EEF1AKMT2: variants seen among roughly 807,000 people sequenced by gnomAD.
EEF1AKMT2 encodes EEF1A lysine methyltransferase 2, also known as eukaryotic translation elongation factor 1 alpha lysine methyltransferase 2.
Under a neutral mutation model 35.8 loss-of-function variants are expected in EEF1AKMT2, and 32 were observed. The ratio of observed to expected loss-of-function variants is 0.89; its 90% CI spans 0.67 to 1.20. The LOEUF is 1.20. Ranked by LOEUF, EEF1AKMT2 falls within the 50% of genes most tolerant of loss-of-function variation. The pLI is 0.00. For synonymous variants in EEF1AKMT2, 121 were observed against 133.7 expected (o/e 0.91, Z 0.65); for missense variants, 330 against 347.5 (o/e 0.95, Z 0.40).
intron 3 of EEF1AKMT2, among the ~76,000 whole-genome samples, chr10:124,779,331 C>A (rs2134135719): frequency 6.6e-6 from 1 of 152,270 alleles, no homozygotes; most frequent in South Asian, 2.1e-4. Flanking sequence ...CGGGGTTTCA[C>A]CATGTTGCCC....
chr10:124,789,092 G>A lies in EEF1AKMT2; in HGVS notation c.242C>T (p.Ala81Val). ...TCCAGTTCCAATATCAAGCACTGAA[G>A]CATCCAGTGGAATCTTGTGTTTCTG... Reference protein sequence around the residue: ...WMQKHKIPLDASVLDIGTGNG... With the variant: ...WMQKHKIPLDVSVLDIGTGNG... The change falls in exon 3 of 7, where the codon GCT becomes GTT. Residue 81 changes from alanine (A) to valine (V), a missense_variant. Ala to Val is a moderately conservative substitution (Grantham distance 64, BLOSUM62 0). Transcript: ENST00000368836. 2 of 1,613,598 alleles carry A rather than the reference G, an allele frequency of 1.2e-6. No individual in the cohort carries two copies. The highest frequency in any genetic ancestry group is 2.7e-5 in the African/African-American group (2 of 75,028).
chr10:124,760,385 C>A lies in EEF1AKMT2; in HGVS notation c.*118G>T. 6.5e-7 allele frequency: 1 copy of A among 1,539,062 alleles called. No homozygotes were observed. Among genetic ancestry groups the A allele is most frequent in the South Asian group, 1.1e-5 (1 of 88,854 alleles). ...TTGCTGTGTAGATTCTGTGTAGCTA[C>A]CTGAATTCGTCCAAGAAAAAGTCTC... On this transcript the variant is annotated 3_prime_UTR_variant, in exon 7 of 7. Transcript: ENST00000368836.
In EEF1AKMT2 at chr10:124,791,812, C is replaced by CGCCACCGCT. The variant is rs1950638858; in HGVS notation, c.21_22insAGCGGTGGC (p.Gly7_Gly8insSerGlyGly). 1.3e-6 allele frequency: 2 copies of CGCCACCGCT among 1,583,704 alleles called. No homozygotes were observed. The highest frequency in any genetic ancestry group is 1.7e-6 in the Non-Finnish European group (2 of 1,170,524). ...CGCGCCGCCACCGCAGCGCCACCGC[C>CGCCACCGCT]GCCGTCAGCGCCCGAGCTCATTTCG... On this transcript the variant is annotated inframe_insertion, in exon 1 of 7. Transcript: ENST00000368836.
At chr10:124,772,237 T>C (rs956317031) in intron 4 of EEF1AKMT2, among the ~76,000 whole-genome samples, 11 of 152,160 alleles carry the variant, frequency 7.2e-5, no homozygotes, top group African/African-American at 2.7e-4. Context: ...TCTAGCTATG[T>C]AACTCCTACA....
chr10:124,781,656 A>C (rs1950541711), intron 3 of EEF1AKMT2, among the ~76,000 whole-genome samples: 1 of 149,014 alleles, frequency 6.7e-6, no homozygotes, highest in South Asian at 2.1e-4. Context: ...AATGAAGGTG[A>C]AATAAAGCTA....
chr10:124,790,194 A>G (rs1950622335), intron 2 of EEF1AKMT2, 79 bp downstream of exon 2: 7 of 1,151,846 alleles, frequency 6.1e-6, no homozygotes, highest in Non-Finnish European at 9.2e-6. Context: ...CGCCCGGCGA[A>G]TATATACGTA....
intron 4 of EEF1AKMT2, among the ~76,000 whole-genome samples, chr10:124,773,652 A>T (rs753974371): frequency 1.3e-5 from 2 of 152,186 alleles, no homozygotes; most frequent in African/African-American, 4.8e-5. Flanking sequence ...CAGAACATAC[A>T]TTTATCAATT....
chr10:124,779,471 G>A (rs1051731118), intron 3 of EEF1AKMT2, among the ~76,000 whole-genome samples: 29 of 151,866 alleles, frequency 1.9e-4, no homozygotes, highest in Non-Finnish European at 3.5e-4. Context: ...TAGTGGCTGG[G>A]CGCAGTGGCT....
chr10:124,784,275 T>C (rs1950566204), intron 3 of EEF1AKMT2, among the ~76,000 whole-genome samples: 1 of 152,026 alleles, frequency 6.6e-6, no homozygotes, highest in Non-Finnish European at 1.5e-5. Context: ...ACTATAAATC[T>C]GTACCAGAAA....
chr10:124,791,725 G>C lies in EEF1AKMT2; in HGVS notation c.109C>G (p.His37Asp), dbSNP rs1219888883. 7.0e-6 allele frequency: 11 copies of C among 1,582,232 alleles called. No homozygotes were observed. Among genetic ancestry groups the C allele is most frequent in the Non-Finnish European group, 9.4e-6 (11 of 1,168,780 alleles). The stretch of plus-strand genomic sequence containing the variant: ...TCCCCTGCCCAGCGTCACACTCACT[G>C]CTCGCGGGTCCCCAGCGCCGACGGG... Reference protein sequence around the residue: ...FVPSALGTREHWDAVYERELQ... With the variant: ...FVPSALGTREDWDAVYERELQ... The change falls in exon 1 of 7, where the codon CAT becomes GAT. Residue 37 changes from histidine (H) to aspartate (D), a missense_variant and splice_region_variant. By Grantham distance (81) the His-to-Asp change is moderately conservative. Transcript: ENST00000368836.
In EEF1AKMT2 at chr10:124,791,736, C is replaced by T. The variant is rs1185730265; in HGVS notation, c.98G>A (p.Gly33Glu). 2 of 1,588,102 alleles carry T rather than the reference C, an allele frequency of 1.3e-6. No homozygotes were observed. Among genetic ancestry groups the T allele is most frequent in the Non-Finnish European group, 1.7e-6 (2 of 1,171,588 alleles). ...GEDGFVPSAL[G>E]TREHWDAVYE... ...GCGTCACACTCACTGCTCGCGGGTCCCCAGCGCCGACGGGACGAAACCGTC... is the reference window on the plus strand; with the variant it reads ...GCGTCACACTCACTGCTCGCGGGTCTCCAGCGCCGACGGGACGAAACCGTC... Residue 33 changes from glycine (G) to glutamate (E), a missense_variant, in exon 1 of 7, where the codon GGG becomes GAG. Gly to Glu is a moderately conservative substitution (Grantham distance 98, BLOSUM62 -2). Transcript: ENST00000368836.
chr10:124,787,249 C>T (rs1950593014), intron 3 of EEF1AKMT2, among the ~76,000 whole-genome samples: 1 of 151,888 alleles, frequency 6.6e-6, no homozygotes, highest in African/African-American at 2.4e-5. Context: ...CGCCCAGCCA[C>T]AAAGGAATCT....
At chr10:124,782,805 C>A in intron 3 of EEF1AKMT2, among the ~76,000 whole-genome samples, 1 of 107,832 alleles carries the variant, frequency 9.3e-6, no homozygotes, top group Non-Finnish European at 1.9e-5. Flanking sequence ...ATGAGTGAAA[C>A]TCTGTCTCAA....
At chr10:124,760,601 A>G (rs1480796675) in intron 6 of EEF1AKMT2, 98 bp from the exon 7 acceptor site, 18 of 898,384 alleles carry the variant, frequency 2.0e-5, no homozygotes, top group Non-Finnish European at 2.9e-5. Flanking sequence ...AACCCTTTGT[A>G]AAACTATGAT....
intron 3 of EEF1AKMT2, 78 bp downstream of exon 3, chr10:124,788,965 A>C: frequency 1.9e-5 from 16 of 843,032 alleles, no homozygotes; most frequent in Non-Finnish European, 2.5e-5. Context: ...TTAGATGGTT[A>C]ATATCCTCAA....
At chr10:124,789,011 G>C (rs916852458) in intron 3 of EEF1AKMT2, 32 bp downstream of exon 3, 1 of 1,532,218 alleles carries the variant, frequency 6.5e-7, no homozygotes, top group African/African-American at 1.4e-5. Flanking sequence ...TTTAAAATTT[G>C]TCTTTAACAA....
At chr10:124,785,246 C>CAAA (rs35915292) in intron 3 of EEF1AKMT2, among the ~76,000 whole-genome samples, 942 of 61,182 alleles carry the variant, frequency 0.015, 51 homozygotes, top group African/African-American at 0.04. Context: ...GACTCCGTCT[C>CAAA]AAAAAAAAAA....
chr10:124,790,809 G>A (rs1167806340), intron 1 of EEF1AKMT2, among the ~76,000 whole-genome samples: 1 of 152,088 alleles, frequency 6.6e-6, no homozygotes, highest in Admixed American at 6.6e-5. Context: ...TCTGTCACCA[G>A]GCTGGAGTGC....
chr10:124,770,238 G>A (rs985579174), intron 4 of EEF1AKMT2, among the ~76,000 whole-genome samples: 10 of 152,214 alleles, frequency 6.6e-5, no homozygotes, highest in African/African-American at 2.2e-4. Flanking sequence ...CCAATATGGT[G>A]AAACCCCATC....
Sources: allele counts gnomAD v4.1 joint callset (sites outside exome capture counted in the v4.1 genomes callset), GRCh38; gene constraint gnomAD v4.1.1; transcripts MANE v1.5; gene names NCBI Gene and HGNC (gene_info 2026-07-23, HGNC 2026-07-21).